Variants in ADARB2 observed in about 807,000 individuals in gnomAD.
ADARB2 encodes inactive double-stranded RNA-specific editase B2.
ADARB2 carries 25 observed loss-of-function variants against 62.2 expected under a neutral mutation model. The observed-to-expected ratio is 0.40, with a 90% CI of 0.29 to 0.56. The LOEUF is 0.56. Among genes scored for constraint, ADARB2 ranks in the 20% least tolerant of loss-of-function variants. ADARB2 has a pLI of 0.43. For missense variants in ADARB2, 1,071 were observed against 1,077.4 expected (o/e 0.99, Z 0.08); for synonymous variants, 572 against 500.8 (o/e 1.14, Z -1.90).
chr10:1,718,498 G>T (rs1233167197), intron 1 of ADARB2, among the ~76,000 whole-genome samples: 2 of 152,214 alleles, frequency 1.3e-5, no homozygotes, highest in East Asian at 3.8e-4. Context: ...GTGTGTGCAT[G>T]CCTCCGTGTG....
intron 1 of ADARB2, among the ~76,000 whole-genome samples, chr10:1,616,187 A>C (rs1399424130): frequency 3.3e-5 from 5 of 152,218 alleles, no homozygotes; most frequent in African/African-American, 4.8e-5. Flanking sequence ...AAGGGCATTG[A>C]TGGTGGCTTG....
At chr10:1,581,224 C>T (rs1032881896) in intron 1 of ADARB2, among the ~76,000 whole-genome samples, 2 of 152,184 alleles carry the variant, frequency 1.3e-5, no homozygotes, top group Non-Finnish European at 2.9e-5. Flanking sequence ...GTTCAAGGTG[C>T]GGGGAAGAAG....
chr10:1,558,133 A>T (rs1832731026), intron 1 of ADARB2, among the ~76,000 whole-genome samples: 1 of 151,916 alleles, frequency 6.6e-6, no homozygotes, highest in Non-Finnish European at 1.5e-5. Flanking sequence ...TGGAACCCTC[A>T]CGTCTCCATC....
intron 7 of ADARB2, chr10:1,216,728 G>T (rs1243937532): frequency 6.5e-6 from 4 of 610,940 alleles, no homozygotes; most frequent in African/African-American, 1.9e-5. Context: ...CGGCAGCCTC[G>T]GGTGGCAGGG....
intron 1 of ADARB2, among the ~76,000 whole-genome samples, chr10:1,453,488 G>A (rs1232155029): frequency 6.6e-6 from 1 of 151,974 alleles, no homozygotes; most frequent in Admixed American, 6.6e-5. Flanking sequence ...TGAATATCCA[G>A]GTTTCTTAGC....
At chr10:1,647,645 TG>T (rs1250004245) in intron 1 of ADARB2, among the ~76,000 whole-genome samples, 1 of 151,984 alleles carries the variant, frequency 6.6e-6, no homozygotes, top group Admixed American at 6.6e-5. Flanking sequence ...TATATATGTG[TG>T]GGGGTATATG....
intron 1 of ADARB2, among the ~76,000 whole-genome samples, chr10:1,640,924 C>T (rs1284032847): frequency 6.6e-6 from 1 of 152,170 alleles, no homozygotes; most frequent in East Asian, 1.9e-4. Context: ...GACAAAGCTG[C>T]CCTGTGGTCT....
At chr10:1,569,887 A>T (rs1832912246) in intron 1 of ADARB2, among the ~76,000 whole-genome samples, 1 of 152,200 alleles carries the variant, frequency 6.6e-6, no homozygotes, top group African/African-American at 2.4e-5. Flanking sequence ...ACATTTTTAT[A>T]CTGCCTTGGG....
chr10:1,529,266 A>G (rs985462123), intron 1 of ADARB2, among the ~76,000 whole-genome samples: 2 of 132,050 alleles, frequency 1.5e-5, no homozygotes, highest in Non-Finnish European at 3.4e-5. Flanking sequence ...CACCATGCCC[A>G]ACACCAATCC....
chr10:1,564,881 G>A (rs972867514), intron 1 of ADARB2, among the ~76,000 whole-genome samples: 11 of 151,764 alleles, frequency 7.2e-5, no homozygotes, highest in Non-Finnish European at 1.2e-4. Flanking sequence ...TCAGTGGGCC[G>A]CAGGGTGAAT....
At chr10:1,697,140 G>A (rs536511847) in intron 1 of ADARB2, among the ~76,000 whole-genome samples, 1 of 152,232 alleles carries the variant, frequency 6.6e-6, no homozygotes, top group South Asian at 2.1e-4. Context: ...GCTCATCTGG[G>A]TGGGGGCTGC....
At chr10:1,364,148 C>A (rs1466291555) in intron 2 of ADARB2, among the ~76,000 whole-genome samples, 1 of 152,248 alleles carries the variant, frequency 6.6e-6, no homozygotes, top group East Asian at 1.9e-4. Context: ...TAGGAGCTGT[C>A]GTCTTCTGGG....
At chr10:1,517,134 T>C (rs985791532) in intron 1 of ADARB2, among the ~76,000 whole-genome samples, 1 of 150,324 alleles carries the variant, frequency 6.7e-6, no homozygotes, top group South Asian at 2.1e-4. Context: ...GCACCGAGAG[T>C]GTGAGAGATA....
At chr10:1,315,301 C>A (rs185631500) in intron 3 of ADARB2, among the ~76,000 whole-genome samples, 1 of 152,208 alleles carries the variant, frequency 6.6e-6, no homozygotes, top group Non-Finnish European at 1.5e-5. Flanking sequence ...TGCATCAGCC[C>A]CAGCCAGCGC....
At chr10:1,455,488 A>C (rs191501297) in intron 1 of ADARB2, among the ~76,000 whole-genome samples, 1 of 152,318 alleles carries the variant, frequency 6.6e-6, no homozygotes, top group East Asian at 1.9e-4. Flanking sequence ...ACAGAAGATT[A>C]AAAAGATTAA....
At chr10:1,735,970 G>A (rs1564208372) in intron 1 of ADARB2, among the ~76,000 whole-genome samples, 1 of 152,172 alleles carries the variant, frequency 6.6e-6, no homozygotes, top group East Asian at 1.9e-4. Context: ...AAATTCTTCA[G>A]GAAAGATGGA....
At chr10:1,521,180 A>C (rs1292525292) in intron 1 of ADARB2, among the ~76,000 whole-genome samples, 1 of 152,140 alleles carries the variant, frequency 6.6e-6, no homozygotes, top group Admixed American at 6.5e-5. Flanking sequence ...TGCATGTTTA[A>C]AAGCTGCCAC....
At chr10:1,314,044 C>T (rs371070942) in intron 3 of ADARB2, among the ~76,000 whole-genome samples, 3 of 152,234 alleles carry the variant, frequency 2.0e-5, no homozygotes, top group African/African-American at 4.8e-5. Flanking sequence ...CCACACAGCC[C>T]GTGCCACAGC....
At chr10:1,711,560 A>T (rs547999060) in intron 1 of ADARB2, among the ~76,000 whole-genome samples, 1 of 152,346 alleles carries the variant, frequency 6.6e-6, no homozygotes, top group African/African-American at 2.4e-5. Flanking sequence ...GACAAAGAAG[A>T]AAACGTGAGA....
Sources: allele counts gnomAD v4.1 joint callset (sites outside exome capture counted in the v4.1 genomes callset), GRCh38; gene constraint gnomAD v4.1.1; transcripts MANE v1.5; gene names NCBI Gene and HGNC (gene_info 2026-07-23, HGNC 2026-07-21).